CSMD1: variants seen among roughly 807,000 people sequenced by gnomAD.
CSMD1 encodes the protein CUB and sushi domain-containing protein 1.
CSMD1 carries 213 observed loss-of-function variants against 417.5 expected under a neutral mutation model. That is an observed-to-expected ratio of 0.51 (90% CI 0.46 to 0.57). The LOEUF (loss-of-function observed/expected upper bound fraction) is 0.57. Among genes scored for constraint, CSMD1 ranks in the 20% least tolerant of loss-of-function variants. The probability of loss-of-function intolerance (pLI) is 0.00; values close to 1 mark genes in which losing one functional copy is unlikely to be tolerated. For synonymous variants in CSMD1, 2,862 were observed against 1,736.8 expected (o/e 1.65, Z -16.11); for missense variants, 6,923 against 4,529.7 (o/e 1.53, Z -15.17).
chr8:4,078,892 A>T (rs966168825), intron 3 of CSMD1, among the ~76,000 whole-genome samples: 12 of 91,690 alleles, frequency 1.3e-4, no homozygotes, highest in African/African-American at 4.3e-4. Flanking sequence ...TAATAATAAT[A>T]ATAAATATAT....
intron 1 of CSMD1, among the ~76,000 whole-genome samples, chr8:4,879,524 C>T (rs1338869297): frequency 1.3e-5 from 2 of 151,980 alleles, no homozygotes; most frequent in Non-Finnish European, 1.5e-5. Context: ...GACAGAAATA[C>T]ATAATTGGTA....
In CSMD1 at chr8:3,794,485, T is replaced by C. The variant is rs138764559; in HGVS notation, c.819-40443A>G. Among the ~76,000 whole-genome samples, 94 of 152,302 alleles carry C rather than the reference T, an allele frequency of 6.2e-4. No individual in the cohort carries two copies. In the East Asian group the frequency reaches 0.015, roughly 25 times the overall value. ...AATTAAATCAACAAATAGTTTTTCATAGCTACTCTCTGCATTACATTGTAT... is the reference window on the plus strand; with the variant it reads ...AATTAAATCAACAAATAGTTTTTCACAGCTACTCTCTGCATTACATTGTAT... On this transcript the variant is annotated intron_variant, in intron 5 of 69. Coordinates refer to ENST00000635120, the MANE Select transcript of CSMD1 (RefSeq NM_033225.6).
intron 2 of CSMD1, among the ~76,000 whole-genome samples, chr8:4,535,824 A>T (rs1444154219): frequency 6.6e-6 from 1 of 152,198 alleles, no homozygotes; most frequent in Non-Finnish European, 1.5e-5. Flanking sequence ...TTTAAAGGAA[A>T]TACATCGTGA....
At chr8:3,081,086 G>A (rs1204679304) in intron 49 of CSMD1, among the ~76,000 whole-genome samples, 5 of 152,166 alleles carry the variant, frequency 3.3e-5, no homozygotes, top group African/African-American at 1.2e-4. Flanking sequence ...AAGGGGCAGG[G>A]TATTTTGCCC....
chr8:3,473,950 G>A (rs1413458406), intron 11 of CSMD1, among the ~76,000 whole-genome samples: 1 of 152,078 alleles, frequency 6.6e-6, no homozygotes, highest in Non-Finnish European at 1.5e-5. Flanking sequence ...TGTGAGGGAG[G>A]AAATGTCAAA....
At chr8:4,062,176 C>T (rs1427928890) in intron 3 of CSMD1, among the ~76,000 whole-genome samples, 3 of 151,978 alleles carry the variant, frequency 2.0e-5, no homozygotes, top group Non-Finnish European at 2.9e-5. Context: ...GCAAGACTTG[C>T]CAAGTGACGG....
intron 7 of CSMD1, among the ~76,000 whole-genome samples, chr8:3,624,971 C>A (rs1000285718): frequency 1.3e-5 from 2 of 152,108 alleles, no homozygotes; most frequent in African/African-American, 4.8e-5. Context: ...ACAATTTGAA[C>A]AATAAGAAAA....
intron 23 of CSMD1, among the ~76,000 whole-genome samples, chr8:3,338,162 A>C (rs1425090419): frequency 6.6e-6 from 1 of 152,214 alleles, no homozygotes; most frequent in African/African-American, 2.4e-5. Context: ...ACCAGCCACA[A>C]GACACAACGT....
chr8:3,329,150 G>C (rs572190677), intron 23 of CSMD1, among the ~76,000 whole-genome samples: 11 of 152,238 alleles, frequency 7.2e-5, no homozygotes, highest in African/African-American at 2.4e-4. Flanking sequence ...TTGAAGGAGA[G>C]AGGCGATGCC....
intron 49 of CSMD1, among the ~76,000 whole-genome samples, chr8:3,081,461 ATTT>A (rs1299342058): frequency 1.3e-5 from 2 of 152,190 alleles, no homozygotes; most frequent in Non-Finnish European, 1.5e-5. Context: ...TTTTAAAATT[ATTT>A]TTCTTTTTTT....
intron 2 of CSMD1, among the ~76,000 whole-genome samples, chr8:4,536,458 C>T (rs1797107283): frequency 6.6e-6 from 1 of 152,152 alleles, no homozygotes; most frequent in South Asian, 2.1e-4. Flanking sequence ...AAGTTTCAGC[C>T]TAGGTGCATC....
intron 11 of CSMD1, among the ~76,000 whole-genome samples, chr8:3,479,067 C>T (rs1249740842): frequency 1.3e-5 from 2 of 152,212 alleles, no homozygotes; most frequent in Admixed American, 6.5e-5. Flanking sequence ...CCTCAGCCAG[C>T]ACCAGCAGAA....
chr8:3,161,537 A>G (rs1457325064), intron 38 of CSMD1, among the ~76,000 whole-genome samples: 1 of 151,224 alleles, frequency 6.6e-6, no homozygotes, highest in Non-Finnish European at 1.5e-5. Context: ...GAATTGTTTG[A>G]ATCTGGGAGG....
chr8:4,623,310 T>C (rs1370418856), intron 2 of CSMD1, among the ~76,000 whole-genome samples: 5 of 152,088 alleles, frequency 3.3e-5, no homozygotes, highest in South Asian at 2.1e-4. Flanking sequence ...CTCATTACAA[T>C]GACGAAAACT....
intron 1 of CSMD1, among the ~76,000 whole-genome samples, chr8:4,988,226 G>A (rs1811282270): frequency 6.6e-6 from 1 of 152,072 alleles, no homozygotes; most frequent in Non-Finnish European, 1.5e-5. Context: ...GCTTTACAAA[G>A]GATGAGGCAA....
chr8:4,225,375 G>A (rs1045899944), intron 3 of CSMD1, among the ~76,000 whole-genome samples: 1 of 151,854 alleles, frequency 6.6e-6, no homozygotes, highest in Non-Finnish European at 1.5e-5. Flanking sequence ...TATACATCGT[G>A]TTTCTCATGA....
Position 4,385,504 on chromosome 8 carries a change from C to T in CSMD1, c.415+34449G>A, listed in dbSNP as rs142458711. 2.7e-3 allele frequency among the ~76,000 whole-genome samples: 418 copies of T among 152,116 alleles called. 4 individuals are homozygous for T. Among genetic ancestry groups the T allele is most frequent in the African/African-American group, 9.7e-3 (401 of 41,480 alleles). On this transcript the variant is annotated intron_variant, in intron 3 of 69. Coordinates refer to ENST00000635120, the MANE Select transcript of CSMD1 (RefSeq NM_033225.6). Reference sequence around the variant, plus strand: ...ATAGATATTTGGAGCTTAGTACTACCGTATTAGTAGTCTTAAGAATATTAA... The same window carrying T: ...ATAGATATTTGGAGCTTAGTACTACTGTATTAGTAGTCTTAAGAATATTAA...
At chr8:4,553,274 T>G (rs545344071) in intron 2 of CSMD1, among the ~76,000 whole-genome samples, 1 of 152,298 alleles carries the variant, frequency 6.6e-6, no homozygotes, top group East Asian at 1.9e-4. Context: ...TCATTCCACT[T>G]CACTCCAAAG....
chr8:3,067,336 A>C (rs1296277804), intron 49 of CSMD1, among the ~76,000 whole-genome samples: 1 of 152,056 alleles, frequency 6.6e-6, no homozygotes, highest in African/African-American at 2.4e-5. Context: ...TTTGACCTCG[A>C]TGCCTCCCCG....
Sources: allele counts gnomAD v4.1 joint callset (sites outside exome capture counted in the v4.1 genomes callset), GRCh38; gene constraint gnomAD v4.1.1; transcripts MANE v1.5; gene names NCBI Gene and HGNC (gene_info 2026-07-23, HGNC 2026-07-21).